The following CTPS2 variants were observed in gnomAD, a reference collection of about 807,000 sequenced individuals.
CTPS2 encodes the protein CTP synthase 2.
CTPS2 carries 19 observed loss-of-function variants against 46.8 expected under a neutral mutation model. That is an observed-to-expected ratio of 0.41 (90% CI 0.28 to 0.60). The LOEUF (loss-of-function observed/expected upper bound fraction) is 0.60, where lower values mean the gene tolerates loss of function less well. Ranked by LOEUF, CTPS2 falls within the 20% of genes least tolerant of loss-of-function variation. The pLI is 0.35. For synonymous variants in CTPS2, 151 were observed against 165.2 expected, an observed-to-expected ratio of 0.91 and a Z score of 0.66; for missense variants, 286 against 447.6, an observed-to-expected ratio of 0.64 and a Z score of 3.26.
chrX:16,670,996 G>T (rs1297977393), intron 10 of CTPS2, among the ~76,000 whole-genome samples: 3 of 111,909 alleles, frequency 2.7e-5, no homozygotes, highest in African/African-American at 9.7e-5. Context: ...ATAGGTTAAG[G>T]TTCTTTCAAA....
chrX:16,671,613 C>A (rs1292260090), intron 10 of CTPS2, among the ~76,000 whole-genome samples: 1 of 103,800 alleles, frequency 9.6e-6, no homozygotes, highest in Non-Finnish European at 2.0e-5. Flanking sequence ...CTCCCGGGTT[C>A]CAGCAATTCT....
intron 1 of CTPS2, among the ~76,000 whole-genome samples, chrX:16,705,897 T>TA (rs1924958325): frequency 9.1e-6 from 1 of 109,676 alleles, no homozygotes; most frequent in African/African-American, 3.3e-5. Context: ...GGTCAGGAGT[T>TA]AGAGACCAGC....
At chrX:16,698,627 T>A (rs1221817228) in intron 3 of CTPS2, among the ~76,000 whole-genome samples, 1 of 110,888 alleles carries the variant, frequency 9.0e-6, no homozygotes, top group Non-Finnish European at 1.9e-5. Context: ...CTCGGCTCAC[T>A]GCAATCTCTG....
At chrX:16,627,280 G>T (rs1158376302) in intron 14 of CTPS2, among the ~76,000 whole-genome samples, 1 of 112,195 alleles carries the variant, frequency 8.9e-6, no homozygotes, top group Non-Finnish European at 1.9e-5. Flanking sequence ...AGAATTTGCT[G>T]ATGCTTATCT....
intron 9 of CTPS2, 105 bp downstream of exon 9, chrX:16,682,989 G>T: frequency 1.2e-6 from 1 of 867,728 alleles, no homozygotes; most frequent in Non-Finnish European, 1.7e-6. Context: ...TGAATCGTAA[G>T]TCCTGCAGGT....
At position 16,693,430 on chromosome X, in the gene CTPS2, A is replaced by G. The variant is rs1923860345; in HGVS notation, c.496T>C (p.Phe166Leu). The change falls in exon 5 of 19, where the codon TTC (phenylalanine) becomes CTC (leucine). Residue 166 changes from phenylalanine to leucine, a missense_variant. By Grantham distance (22) the Phe-to-Leu change is conservative (BLOSUM62 0). Transcript: ENST00000359276. The part of the protein sequence containing the change: ...GMPFVEAFRQ[F>L]QFKAKRENFC... The stretch of plus-strand genomic sequence containing the variant: ...TTCTCTCTTTTCGCCTTAAACTGGA[A>G]TTGTCTAAACGCCTCCACAAACGGC... 8.3e-7 allele frequency: 1 copy of G among 1,210,389 alleles called. No individual in the cohort carries two copies. Among genetic ancestry groups the G allele is most frequent in the East Asian group, 3.0e-5 (1 of 33,832 alleles).
At chrX:16,597,155 C>A (rs899063962) in intron 17 of CTPS2, among the ~76,000 whole-genome samples, 11 of 111,540 alleles carry the variant, frequency 9.9e-5, no homozygotes, top group African/African-American at 3.6e-4. Context: ...CCTGTTCACT[C>A]TAATGGTAGT....
chrX:16,662,000 A>G (rs991794619), intron 13 of CTPS2, among the ~76,000 whole-genome samples: 2 of 108,301 alleles, frequency 1.8e-5, no homozygotes, highest in Non-Finnish European at 3.8e-5. Context: ...ATTCATATAT[A>G]TATATATATA....
intron 16 of CTPS2, among the ~76,000 whole-genome samples, chrX:16,613,010 A>G (rs1486090307): frequency 8.9e-6 from 1 of 112,303 alleles, no homozygotes; most frequent in Non-Finnish European, 1.9e-5. Context: ...ACAACGTTCA[A>G]AGGAGCCTTC....
intron 13 of CTPS2, chrX:16,654,524 T>G: frequency 9.6e-7 from 1 of 1,041,617 alleles, no homozygotes. Flanking sequence ...GAAAACAAAA[T>G]AGAACCCTGA....
At chrX:16,696,894 C>CAAA (rs1555975608) in intron 4 of CTPS2, among the ~76,000 whole-genome samples, 8 of 109,062 alleles carry the variant, frequency 7.3e-5, no homozygotes, top group Non-Finnish European at 1.1e-4. Flanking sequence ...CATTTAATCC[C>CAAA]CAATCCTGTT....
Position 16,662,012 on chromosome X carries a change from A to ATATATATATATATATATATATG in CTPS2, c.1296+5501_1296+5502insCATATATATATATATATATATA, listed in dbSNP as rs1555967619. 2.9e-3 allele frequency among the ~76,000 whole-genome samples: 309 copies of ATATATATATATATATATATATG among 105,394 alleles called. 2 individuals carry two copies. The highest frequency in any genetic ancestry group is 0.014 in the East Asian group (46 of 3,251). The allele number at this position is 105,394 out of a possible 115,157, so 91.5% of individuals were successfully genotyped here. A position where few individuals can be genotyped will look rare whatever the true frequency, so the allele number is the denominator to read the frequency against. ...TTCATTCATATATATATATATATAT[A>ATATATATATATATATATATATG]TGCCTCAAAAGCTGAAAATATTCAA... On this transcript the variant is annotated intron_variant, in intron 13 of 18. Transcript: ENST00000359276.
At chrX:16,695,701 A>G (rs1924075685) in intron 4 of CTPS2, among the ~76,000 whole-genome samples, 1 of 109,640 alleles carries the variant, frequency 9.1e-6, no homozygotes, top group Non-Finnish European at 1.9e-5. Context: ...ATAGGCGCCC[A>G]CCACCACGCC....
At position 16,702,867 on chromosome X, in the gene CTPS2, T is replaced by C; in HGVS notation, c.36A>G (p.Ser12=). Residue 12 remains serine, a synonymous_variant, in exon 2 of 19, where the codon TCA becomes TCG. Coordinates refer to ENST00000359276, the MANE Select transcript of CTPS2 (RefSeq NM_175859.3). The part of the protein sequence containing the change: ...KYILVTGGVI[S]GIGKGIIASS... ...TGGCAATGATCCCTTTACCAATGCC[T>C]GAGATGACCCCACCCGTGACCAGGA... 8.3e-7 allele frequency: 1 copy of C among 1,210,162 alleles called. No homozygotes were observed. The highest frequency in any genetic ancestry group is 1.1e-6 in the Non-Finnish European group (1 of 894,570).
chrX:16,707,298 T>C (rs972946445), intron 1 of CTPS2, among the ~76,000 whole-genome samples: 11 of 111,651 alleles, frequency 9.9e-5, no homozygotes, highest in African/African-American at 3.6e-4. Flanking sequence ...AAGTAGACCA[T>C]AAACAGTATT....
chrX:16,593,248 T>C (rs749405555), intron 17 of CTPS2, among the ~76,000 whole-genome samples: 255 of 110,268 alleles, frequency 2.3e-3, no homozygotes, highest in Admixed American at 7.5e-3. Flanking sequence ...GCTAACACGG[T>C]GAAACCCCAA....
intron 13 of CTPS2, among the ~76,000 whole-genome samples, chrX:16,661,876 G>A (rs1181166541): frequency 1.8e-5 from 2 of 110,702 alleles, no homozygotes; most frequent in East Asian, 5.6e-4. Flanking sequence ...TCTGTCTTCA[G>A]GGTGTAATAT....
intron 13 of CTPS2, among the ~76,000 whole-genome samples, chrX:16,667,137 C>CT (rs34412705): frequency 0.26 from 23,219 of 89,941 alleles, 2,979 homozygotes; most frequent in Middle Eastern, 0.34. Context: ...CCCCCCCCGC[C>CT]TTTTTTTTTT....
chrX:16,657,223 T>A (rs1932842175), intron 13 of CTPS2, among the ~76,000 whole-genome samples: 1 of 101,663 alleles, frequency 9.8e-6, no homozygotes, highest in African/African-American at 3.7e-5. Flanking sequence ...CTAATGAACT[T>A]GAATGTGTAT....
Sources: gnomAD v4.1 joint callset for allele counts (sites outside exome capture counted in the v4.1 genomes callset) on GRCh38, gnomAD v4.1.1 for gene constraint, MANE v1.5 for transcripts, NCBI Gene and HGNC (gene_info 2026-07-23, HGNC 2026-07-21) for gene names.